ZNF385A: variants seen among roughly 807,000 people sequenced by gnomAD.
ZNF385A encodes the protein hematopoietic zinc finger protein.
Under a neutral mutation model 32.1 loss-of-function variants are expected in ZNF385A, and 14 were observed. The ratio of observed to expected loss-of-function variants is 0.44; its 90% CI spans 0.29 to 0.68. The LOEUF (loss-of-function observed/expected upper bound fraction) is 0.68. Ranked by LOEUF, ZNF385A falls within the 30% of genes least tolerant of loss-of-function variation. The probability of loss-of-function intolerance (pLI) is 0.14; values close to 1 mark genes in which losing one functional copy is unlikely to be tolerated. For missense variants in ZNF385A, 406 were observed against 478.4 expected (o/e 0.85, Z 1.41); for synonymous variants, 197 against 202.7 (o/e 0.97, Z 0.24).
upstream of ZNF385A, among the ~76,000 whole-genome samples, chr12:54,387,783 T>C (rs1672166791): frequency 6.6e-6 from 1 of 152,188 alleles, no homozygotes; most frequent in Non-Finnish European, 1.5e-5. Context: ...ATGATGACAA[T>C]TGGCTCAGAA....
intron 1 of ZNF385A, 82 bp downstream of exon 1, chr12:54,384,340 TAGAAAC>T: frequency 2.1e-6 from 3 of 1,418,108 alleles, no homozygotes; most frequent in South Asian, 2.9e-5. Flanking sequence ...GATAAGGAAT[TAGAAAC>T]AGAAGAAGAG....
intron 1 of ZNF385A, among the ~76,000 whole-genome samples, chr12:54,376,806 CAG>C (rs1328627723): frequency 1.3e-5 from 2 of 152,194 alleles, no homozygotes; most frequent in South Asian, 4.1e-4. Context: ...TTTCTGCTAT[CAG>C]GGGATGAAAA....
intron 1 of ZNF385A, among the ~76,000 whole-genome samples, chr12:54,378,010 T>C (rs1018837853): frequency 4.6e-5 from 7 of 152,170 alleles, no homozygotes; most frequent in African/African-American, 1.7e-4. Context: ...ATGAGAATGG[T>C]TCCTGCCCTA....
chr12:54,370,513 A>G lies in ZNF385A; in HGVS notation c.871-27T>C. On this transcript the variant is annotated intron_variant, in intron 6 of 6. Coordinates refer to ENST00000394313, the MANE Select transcript of ZNF385A (RefSeq NM_015481.3). This position sits in a 1 kb window ranked among gnomAD's most constrained non-coding sequence, Gnocchi z 5.5. ...TGAAGCGGGCGAAAGGCGGAGGAAG[A>G]GAAGTCACCCGGCGGTCCTGCAAAC... 6.4e-7 allele frequency: 1 copy of G among 1,550,950 alleles called. No individual in the cohort carries two copies. The highest frequency in any genetic ancestry group is 2.0e-5 in the Admixed American group (1 of 51,006).
Position 54,375,844 on chromosome 12 carries a change from C to T in ZNF385A, c.198G>A (p.Gln66=). ...CNICQIRFNS[Q]SQAEAHYKGN... is the part of the protein sequence containing the mutation. ...GTAGATGAGCAGCTTGGCTTCTTACCTGAGAATTGAAGCGGATTTGACAGA... is the reference window on the plus strand; with the variant it reads ...GTAGATGAGCAGCTTGGCTTCTTACTTGAGAATTGAAGCGGATTTGACAGA... Residue 66 remains glutamine (Q), a splice_region_variant and synonymous_variant, in exon 2 of 7, where the codon CAG becomes CAA. Coordinates refer to ENST00000394313, the MANE Select transcript of ZNF385A (RefSeq NM_015481.3). The T allele has an allele frequency of 6.2e-7, 1 of 1,614,050 alleles. No individual in the cohort carries two copies. Among genetic ancestry groups the T allele is most frequent in the Non-Finnish European group, 8.5e-7 (1 of 1,179,920 alleles).
upstream of ZNF385A, among the ~76,000 whole-genome samples, chr12:54,388,046 A>AGTGTGTGTGTGTGTGT (rs10665764): frequency 5.1e-4 from 72 of 140,534 alleles, no homozygotes; most frequent in Non-Finnish European, 8.3e-4. Flanking sequence ...AGTGTGTGTA[A>AGTGTGTGTGTGTGTGT]GTGTGTGTGT....
upstream of ZNF385A, chr12:54,385,039 G>A (rs3825192): frequency 0.5 from 158,767 of 318,742 alleles, 42,422 homozygotes; most frequent in Non-Finnish European, 0.58. Flanking sequence ...CTTAGATTTG[G>A]AGGGGGGCTG....
Position 54,384,480 on chromosome 12 carries a change from G to A in ZNF385A, c.35C>T (p.Pro12Leu), listed in dbSNP as rs1165881761. 1.3e-6 allele frequency: 2 copies of A among 1,586,004 alleles called. No individual in the cohort carries two copies. The highest frequency in any genetic ancestry group is 1.7e-6 in the Non-Finnish European group (2 of 1,167,164). ...GGTAGGGGCTGGCTCGAGTGGGAAG[G>A]GCAGGATCTGCTTGAGGTCCAGTGG... ...QPPLDLKQIL[P>L]FPLEPAPTLG... is the part of the protein sequence containing the mutation. The change falls in exon 1 of 7, where the codon CCC becomes CTC. Residue 12 changes from proline (P) to leucine (L), a missense_variant. Transcript: ENST00000394313.
At chr12:54,378,138 AG>A (rs1261778663) in intron 1 of ZNF385A, among the ~76,000 whole-genome samples, 1 of 152,162 alleles carries the variant, frequency 6.6e-6, no homozygotes, top group Non-Finnish European at 1.5e-5. Flanking sequence ...GCAGCAGTGG[AG>A]TCAGGTGGGT....
chr12:54,380,755 A>C (rs549498582), intron 1 of ZNF385A, among the ~76,000 whole-genome samples: 3 of 152,228 alleles, frequency 2.0e-5, no homozygotes, highest in Non-Finnish European at 4.4e-5. Flanking sequence ...TAGCAATAGC[A>C]TAATAATCAT....
chr12:54,380,915 T>C (rs370393542), intron 1 of ZNF385A, among the ~76,000 whole-genome samples: 2 of 151,916 alleles, frequency 1.3e-5, no homozygotes, highest in South Asian at 4.2e-4. Flanking sequence ...ATACAAAAAT[T>C]GGCCGGGCGC....
intron 1 of ZNF385A, among the ~76,000 whole-genome samples, chr12:54,382,647 C>T (rs1955253959): frequency 6.6e-6 from 1 of 152,066 alleles, no homozygotes; most frequent in South Asian, 2.1e-4. Flanking sequence ...GCTACAGTGC[C>T]TGGTGTGTAG....
exon 1 of ZNF385A, chr12:54,391,267 G>T (rs894831080): frequency 4.4e-6 from 6 of 1,371,904 alleles, no homozygotes; most frequent in Non-Finnish European, 5.7e-6. Flanking sequence ...GGCGCCCGGG[G>T]TTCCGCGTCG....
intron 1 of ZNF385A, chr12:54,379,298 G>T (rs942953871): frequency 3.4e-5 from 22 of 649,552 alleles, no homozygotes; most frequent in Admixed American, 1.9e-4. Context: ...GACAGGGACA[G>T]GGAGCTGAAG....
intron 2 of ZNF385A, among the ~76,000 whole-genome samples, chr12:54,375,389 A>G (rs1416944018): frequency 1.3e-5 from 2 of 151,768 alleles, no homozygotes; most frequent in Non-Finnish European, 3.0e-5. Flanking sequence ...AGAGAGAAGG[A>G]AGCCAGAAAG....
upstream of ZNF385A, among the ~76,000 whole-genome samples, chr12:54,386,209 C>CAGAG (rs554315331): frequency 4.3e-5 from 6 of 139,772 alleles, no homozygotes; most frequent in African/African-American, 1.7e-4. Flanking sequence ...CACACACACA[C>CAGAG]AGAGAGACGG....
Position 54,375,827 on chromosome 12 carries a change from G to A in ZNF385A, c.198+17C>T. 1 of 1,611,330 alleles carries A rather than the reference G, an allele frequency of 6.2e-7. No homozygotes were observed. The highest frequency in any genetic ancestry group is 8.5e-7 in the Non-Finnish European group (1 of 1,177,520). On this transcript the variant is annotated intron_variant, in intron 2 of 6. Coordinates refer to ENST00000394313, the MANE Select transcript of ZNF385A (RefSeq NM_015481.3). ...CCTGCCCCACCCACTGGGTAGATGA[G>A]CAGCTTGGCTTCTTACCTGAGAATT... is the stretch of plus-strand genomic sequence containing the variant.
chr12:54,382,150 C>A (rs1200608523), intron 1 of ZNF385A, among the ~76,000 whole-genome samples: 1 of 151,808 alleles, frequency 6.6e-6, no homozygotes, highest in Non-Finnish European at 1.5e-5. Flanking sequence ...TCACTGCAAC[C>A]TCTGCCTCCC....
At chr12:54,377,216 G>C (rs1042905939) in intron 1 of ZNF385A, among the ~76,000 whole-genome samples, 7 of 152,112 alleles carry the variant, frequency 4.6e-5, no homozygotes, top group Non-Finnish European at 8.8e-5. Context: ...ATGGGCTTTC[G>C]TATCCCTGTG....
Sources: gnomAD v4.1 joint callset for allele counts (sites outside exome capture counted in the v4.1 genomes callset) on GRCh38, gnomAD v4.1.1 for gene constraint, Gnocchi (gnomAD v3.1) non-coding constraint, MANE v1.5 for transcripts, NCBI Gene and HGNC (gene_info 2026-07-23, HGNC 2026-07-21) for gene names.